Variants in CERS3 observed in about 807,000 individuals in gnomAD.
The protein encoded by CERS3 is ceramide synthase 3, also known as LAG1 homolog, ceramide synthase 3.
In CERS3, 33 loss-of-function variants were observed where a neutral mutation model predicts 50.3. The ratio of observed to expected loss-of-function variants is 0.66; its 90% CI spans 0.50 to 0.88. The LOEUF (loss-of-function observed/expected upper bound fraction) is 0.88. Ranked by LOEUF, CERS3 falls within the 40% of genes least tolerant of loss-of-function variation. The probability of loss-of-function intolerance (pLI) is 0.00; values close to 1 mark genes in which losing one functional copy is unlikely to be tolerated. For missense variants in CERS3, 470 were observed against 460.3 expected (o/e 1.02, Z -0.19); for synonymous variants, 176 against 155.2 (o/e 1.13, Z -0.99).
At chr15:100,404,776 T>C (rs912410038) in intron 11 of CERS3, among the ~76,000 whole-genome samples, 3 of 152,136 alleles carry the variant, frequency 2.0e-5, no homozygotes, top group Admixed American at 6.5e-5. Context: ...GGAATAAACA[T>C]GCAGATCAGT....
At chr15:100,426,001 A>G (rs2032789611) in intron 11 of CERS3, 1 of 152,362 alleles carries the variant, frequency 6.6e-6, no homozygotes, top group African/African-American at 2.4e-5. Flanking sequence ...GCCATGTAAG[A>G]AGTGCCTGCT....
At chr15:100,419,704 T>G (rs2032255431) in intron 11 of CERS3, among the ~76,000 whole-genome samples, 1 of 151,686 alleles carries the variant, frequency 6.6e-6, no homozygotes, top group Non-Finnish European at 1.5e-5. Flanking sequence ...TCAGCAAATG[T>G]AAAAGAATAG....
intron 11 of CERS3, among the ~76,000 whole-genome samples, chr15:100,418,261 G>C (rs900511172): frequency 1.4e-4 from 21 of 152,070 alleles, no homozygotes; most frequent in Admixed American, 1.4e-3. Flanking sequence ...TGAAAACCAA[G>C]GCCCGAGAAC....
In CERS3 at chr15:100,430,311, CA is replaced by C. The variant is rs762982343; in HGVS notation, c.999+25581del. Reference sequence around the variant, plus strand: ...TGGACGACAGAGCGAGACTCCGTCTCAAAAAAAAAAAGAATGACCAAAAGAA... The same window carrying C: ...TGGACGACAGAGCGAGACTCCGTCTCAAAAAAAAAAGAATGACCAAAAGAA... On this transcript the variant is annotated intron_variant, in intron 11 of 11. Coordinates refer to ENST00000679737, the MANE Select transcript of CERS3 (RefSeq NM_001378789.1). Among the ~76,000 whole-genome samples the C allele has an allele frequency of 5.7e-3, 738 of 129,708 alleles. 6 individuals carry two copies. Among genetic ancestry groups the C allele is most frequent in the African/African-American group, 0.018 (615 of 35,060 alleles). 85.1% of individuals were successfully genotyped at this position (129,708 alleles called of 152,430 possible). A position where few individuals can be genotyped will look rare whatever the true frequency, so the allele number is the denominator to read the frequency against.
chr15:100,425,577 C>T (rs745596003), intron 11 of CERS3, among the ~76,000 whole-genome samples: 5 of 152,140 alleles, frequency 3.3e-5, no homozygotes, highest in Non-Finnish European at 7.4e-5. Flanking sequence ...AATACCTATA[C>T]CCCCATTGTG....
At chr15:100,528,491 T>C (rs116532354) in intron 1 of CERS3, among the ~76,000 whole-genome samples, 1 of 152,148 alleles carries the variant, frequency 6.6e-6, no homozygotes, top group Non-Finnish European at 1.5e-5. Flanking sequence ...TAACCCTCAA[T>C]GAATCAGTTT....
intron 11 of CERS3, among the ~76,000 whole-genome samples, chr15:100,448,616 C>T (rs2034035254): frequency 6.6e-6 from 1 of 152,254 alleles, no homozygotes; most frequent in South Asian, 2.1e-4. Flanking sequence ...ATTTTGAGAG[C>T]CTAGCCTCCG....
intron 10 of CERS3, among the ~76,000 whole-genome samples, chr15:100,458,471 G>C (rs2034445670): frequency 1.3e-5 from 2 of 151,742 alleles, no homozygotes; most frequent in South Asian, 4.2e-4. Flanking sequence ...CTGTAATCCT[G>C]GCTACTTGGG....
At chr15:100,448,641 G>A (rs1237750735) in intron 11 of CERS3, among the ~76,000 whole-genome samples, 1 of 152,078 alleles carries the variant, frequency 6.6e-6, no homozygotes, top group Non-Finnish European at 1.5e-5. Flanking sequence ...ACTGCAGCCT[G>A]TGCTGAAGCA....
chr15:100,513,333 A>G (rs2036400200), intron 2 of CERS3, among the ~76,000 whole-genome samples: 1 of 151,960 alleles, frequency 6.6e-6, no homozygotes, highest in South Asian at 2.1e-4. Flanking sequence ...AAATGAGTCC[A>G]CCTCTGTCTG....
At chr15:100,528,562 A>G (rs1458538228) in intron 1 of CERS3, among the ~76,000 whole-genome samples, 1 of 152,118 alleles carries the variant, frequency 6.6e-6, no homozygotes, top group Non-Finnish European at 1.5e-5. Context: ...TTTACCCTCT[A>G]CTACTAAACA....
Position 100,476,492 on chromosome 15 carries a change from TCTTTA to T in CERS3, c.517-319_517-315del, listed in dbSNP as rs755513753. On this transcript the variant is annotated intron_variant, in intron 7 of 11. Coordinates refer to ENST00000679737, the MANE Select transcript of CERS3 (RefSeq NM_001378789.1). ...TTTAAATTTTTAAAAAAATTAAAAA[TCTTTA>T]CTTAGGAACAATGGGAAGTCTTTTC... Among the ~76,000 whole-genome samples, 8 of 152,266 alleles carry T rather than the reference TCTTTA, an allele frequency of 5.3e-5. No individual in the cohort carries two copies. In the South Asian group the frequency reaches 1.2e-3, roughly 24 times the overall value.
At chr15:100,505,372 T>C (rs2036146799) in intron 2 of CERS3, among the ~76,000 whole-genome samples, 1 of 152,226 alleles carries the variant, frequency 6.6e-6, no homozygotes, top group Non-Finnish European at 1.5e-5. Flanking sequence ...ATGTAAGCAA[T>C]GGATTAAGAT....
At chr15:100,420,565 C>T (rs902762636) in intron 11 of CERS3, among the ~76,000 whole-genome samples, 6 of 151,912 alleles carry the variant, frequency 3.9e-5, no homozygotes, top group Non-Finnish European at 5.9e-5. Flanking sequence ...AGAGGGAATC[C>T]TCCCTAACTC....
At chr15:100,497,790 G>C (rs2035865264) in intron 3 of CERS3, among the ~76,000 whole-genome samples, 1 of 150,466 alleles carries the variant, frequency 6.6e-6, no homozygotes, top group Non-Finnish European at 1.5e-5. Context: ...GAGAACTACA[G>C]TCCTCTTTGT....
chr15:100,421,274 T>A (rs1025741322), intron 11 of CERS3, among the ~76,000 whole-genome samples: 1 of 148,962 alleles, frequency 6.7e-6, no homozygotes, highest in African/African-American at 2.5e-5. Flanking sequence ...TCACAAGCAT[T>A]CTTATACACC....
upstream of CERS3, among the ~76,000 whole-genome samples, chr15:100,529,997 T>C (rs2036899406): frequency 1.3e-5 from 2 of 152,190 alleles, no homozygotes; most frequent in Admixed American, 6.5e-5. Flanking sequence ...AGAGAGAGGA[T>C]TGATAAACGC....
chr15:100,514,526 G>A (rs2036438796), intron 2 of CERS3, among the ~76,000 whole-genome samples: 1 of 152,048 alleles, frequency 6.6e-6, no homozygotes, highest in African/African-American at 2.4e-5. Flanking sequence ...ATTTTTGAAA[G>A]CTACAGTTAA....
chr15:100,404,296 A>T (rs2030807582), intron 11 of CERS3, among the ~76,000 whole-genome samples: 1 of 152,250 alleles, frequency 6.6e-6, no homozygotes, highest in South Asian at 2.1e-4. Context: ...CAGTCACCAT[A>T]GAAATTAATA....
Sources: gnomAD v4.1 joint callset for allele counts (sites outside exome capture counted in the v4.1 genomes callset) on GRCh38, gnomAD v4.1.1 for gene constraint, MANE v1.5 for transcripts, NCBI Gene and HGNC (gene_info 2026-07-23, HGNC 2026-07-21) for gene names.